The following WDR27 variants were observed in gnomAD, a reference collection of about 807,000 sequenced individuals.
The protein encoded by WDR27 is WD repeat domain 27.
Under a neutral mutation model 114.4 loss-of-function variants are expected in WDR27, and 100 were observed. The ratio of observed to expected loss-of-function variants is 0.87; its 90% CI spans 0.74 to 1.03. The LOEUF (loss-of-function observed/expected upper bound fraction) is 1.03. WDR27 is among the 50% of genes least tolerant of loss of function. WDR27 has a pLI of 0.00. For synonymous variants in WDR27, 449 were observed against 423.1 expected (o/e 1.06, Z -0.75); for missense variants, 1,129 against 1,092.9 (o/e 1.03, Z -0.47).
intron 1 of WDR27, among the ~76,000 whole-genome samples, chr6:169,699,809 C>T (rs1200058494): frequency 6.6e-6 from 1 of 152,020 alleles, no homozygotes; most frequent in African/African-American, 2.4e-5. Context: ...TAGTGAGACC[C>T]TGTCTCTACT....
intron 2 of WDR27, among the ~76,000 whole-genome samples, chr6:169,674,054 A>G (rs1562899595): frequency 6.6e-6 from 1 of 152,238 alleles, no homozygotes; most frequent in Non-Finnish European, 1.5e-5. Context: ...TAGGACTGCC[A>G]GTGCCCTGAG....
the WDR27 span, among the ~76,000 whole-genome samples, chr6:169,433,745 A>G: frequency 2.6e-5 from 4 of 152,344 alleles, no homozygotes; most frequent in African/African-American, 9.6e-5. Flanking sequence ...CATCTTCTCC[A>G]GCATCTGTTG....
intron 25 of WDR27, among the ~76,000 whole-genome samples, chr6:169,488,737 C>T (rs1562484976): frequency 2.6e-5 from 4 of 152,158 alleles, no homozygotes; most frequent in African/African-American, 9.7e-5. Context: ...ACACAGACAG[C>T]ACTGTGACTG....
intron 17 of WDR27, among the ~76,000 whole-genome samples, chr6:169,640,193 A>AGCCGG (rs1210159244): frequency 1.2e-4 from 19 of 152,212 alleles, no homozygotes; most frequent in Admixed American, 8.5e-4. Context: ...TTCCTGCCAT[A>AGCCGG]GCCGGGATCT....
intron 25 of WDR27, among the ~76,000 whole-genome samples, chr6:169,525,307 C>A (rs765386246): frequency 6.6e-6 from 1 of 151,996 alleles, no homozygotes; most frequent in Non-Finnish European, 1.5e-5. Context: ...GAGGCCAAGA[C>A]AGGCGGATTG....
At chr6:169,546,003 A>G (rs2128098142) in intron 25 of WDR27, among the ~76,000 whole-genome samples, 1 of 152,318 alleles carries the variant, frequency 6.6e-6, no homozygotes, top group Non-Finnish European at 1.5e-5. Flanking sequence ...CACAGATGAC[A>G]AATAAGCACA....
intron 25 of WDR27, chr6:169,558,737 C>T (rs993494918): frequency 6.6e-6 from 1 of 152,158 alleles, no homozygotes; most frequent in Admixed American, 6.5e-5. Context: ...GGAAACACTC[C>T]AGCAGATTTT....
chr6:169,607,953 C>T (rs937276767), intron 22 of WDR27, among the ~76,000 whole-genome samples: 1 of 151,328 alleles, frequency 6.6e-6, no homozygotes, highest in Non-Finnish European at 1.5e-5. Context: ...ACAGAGTGTA[C>T]TTACACATAC....
chr6:169,457,922 C>T (rs1784455463), intron 25 of WDR27, among the ~76,000 whole-genome samples: 1 of 145,734 alleles, frequency 6.9e-6, no homozygotes, highest in Non-Finnish European at 1.5e-5. Flanking sequence ...AGCGCCTACA[C>T]ACCTCCTTCC....
At chr6:169,460,282 G>A (rs1472666249) in intron 25 of WDR27, among the ~76,000 whole-genome samples, 1 of 152,134 alleles carries the variant, frequency 6.6e-6, no homozygotes, top group Admixed American at 6.5e-5. Context: ...ATGTAATTTT[G>A]TGATATCAAC....
At chr6:169,601,522 G>GT (rs1356715309) in intron 23 of WDR27, among the ~76,000 whole-genome samples, 1 of 152,204 alleles carries the variant, frequency 6.6e-6, no homozygotes, top group African/African-American at 2.4e-5. Flanking sequence ...ATAGAATGAT[G>GT]TTTTTTGTTT....
chr6:169,516,832 CACA>C (rs1562522050), intron 25 of WDR27, among the ~76,000 whole-genome samples: 5 of 151,566 alleles, frequency 3.3e-5, no homozygotes, highest in Non-Finnish European at 4.4e-5. Flanking sequence ...CACACACACA[CACA>C]CCCCTCCCTT....
At chr6:169,624,788 C>T (rs948405770) in intron 21 of WDR27, among the ~76,000 whole-genome samples, 7 of 152,092 alleles carry the variant, frequency 4.6e-5, no homozygotes, top group Non-Finnish European at 7.4e-5. Context: ...CCATGAGACA[C>T]GTGAGCCGCA....
chr6:169,672,271 T>C lies in WDR27; in HGVS notation c.315A>G (p.Arg105=). 2.5e-6 allele frequency: 4 copies of C among 1,612,702 alleles called. No individual in the cohort carries two copies. The highest frequency in any genetic ancestry group is 1.7e-4 in the Middle Eastern group (1 of 6,056). The part of the protein sequence containing the change: ...YVIMWNLDEC[R]EKVLQGLVPR... ...TTCATTTACCTTGAAGTACTTTCTC[T>C]CTACATTCATCCAGGTTCCACATTA... The change falls in exon 3 of 26, where the codon AGA becomes AGG. Residue 105 remains arginine (R), a synonymous_variant. Coordinates refer to ENST00000448612, the MANE Select transcript of WDR27 (RefSeq NM_182552.5).
intron 13 of WDR27, among the ~76,000 whole-genome samples, chr6:169,655,110 G>A (rs755467144): frequency 6.6e-6 from 1 of 152,136 alleles, no homozygotes; most frequent in Non-Finnish European, 1.5e-5. Flanking sequence ...TCCTGTCTTC[G>A]CTGTTGCCTG....
chr6:169,492,953 A>C (rs536297145), intron 25 of WDR27, among the ~76,000 whole-genome samples: 1 of 152,218 alleles, frequency 6.6e-6, no homozygotes, highest in South Asian at 2.1e-4. Flanking sequence ...GTAAAAATTA[A>C]GTCAACATGC....
intron 25 of WDR27, among the ~76,000 whole-genome samples, chr6:169,553,015 T>TGTGTGTGTGTGC (rs1798381285): frequency 9.2e-6 from 1 of 109,024 alleles, no homozygotes; most frequent in Non-Finnish European, 1.9e-5. Flanking sequence ...TGTGTGTGTG[T>TGTGTGTGTGTGC]GTGTGTGTGT....
chr6:169,699,261 A>T (rs1287560531), intron 1 of WDR27, among the ~76,000 whole-genome samples: 1 of 152,176 alleles, frequency 6.6e-6, no homozygotes, highest in Non-Finnish European at 1.5e-5. Context: ...GAGTGCCCTG[A>T]GAGGCTGCAG....
In WDR27 at chr6:169,689,036, G is replaced by A. The variant is rs751799739; in HGVS notation, c.-7-24C>T. ...ATCTGAAAACAAAAAGTACATATAAGATGACTATAGGTATCATATTTAATA... is the reference window on the plus strand; with the variant it reads ...ATCTGAAAACAAAAAGTACATATAAAATGACTATAGGTATCATATTTAATA... On this transcript the variant is annotated intron_variant, in intron 1 of 25. Coordinates refer to ENST00000448612, the MANE Select transcript of WDR27 (RefSeq NM_182552.5). 31 of 1,550,162 alleles carry A rather than the reference G, an allele frequency of 2.0e-5. No homozygotes were observed. In the East Asian group the frequency reaches 6.4e-4, roughly 32 times the overall value.
Sources: gnomAD v4.1 joint callset for allele counts (sites outside exome capture counted in the v4.1 genomes callset) on GRCh38, gnomAD v4.1.1 for gene constraint, MANE v1.5 for transcripts, NCBI Gene and HGNC (gene_info 2026-07-23, HGNC 2026-07-21) for gene names.